ECH1: variants seen among roughly 807,000 people sequenced by gnomAD.
ECH1 encodes delta(3,5)-Delta(2,4)-dienoyl-CoA isomerase, mitochondrial.
Under a neutral mutation model 37.0 loss-of-function variants are expected in ECH1, and 30 were observed. The observed-to-expected ratio is 0.81, with a 90% CI of 0.61 to 1.10. ECH1 has a LOEUF of 1.10. Ranked by LOEUF, ECH1 falls within the 50% of genes least tolerant of loss-of-function variation. ECH1 has a pLI of 0.00. For missense variants in ECH1, 456 were observed against 441.6 expected, an observed-to-expected ratio of 1.03 and a Z score of -0.29; for synonymous variants, 178 against 176.0, an observed-to-expected ratio of 1.01 and a Z score of -0.09.
At chr19:38,822,468 A>G (rs922218532) in intron 3 of ECH1, among the ~76,000 whole-genome samples, 1 of 152,064 alleles carries the variant, frequency 6.6e-6, no homozygotes, top group Non-Finnish European at 1.5e-5. Flanking sequence ...AAATGCACCA[A>G]TCAGCACTCT....
intron 3 of ECH1, among the ~76,000 whole-genome samples, chr19:38,830,026 G>A (rs1281564449): frequency 6.6e-6 from 1 of 152,012 alleles, no homozygotes; most frequent in East Asian, 1.9e-4. Flanking sequence ...GCGTGGTGGC[G>A]GGCACTTGTA....
In ECH1 at chr19:38,817,519, C is replaced by A. The variant is rs1478031529; in HGVS notation, c.406G>T (p.Ala136Ser). The change falls in exon 4 of 10, where the codon GCC becomes TCC. Residue 136 changes from alanine to serine, a missense_variant. Coordinates refer to ENST00000221418, the MANE Select transcript of ECH1 (RefSeq NM_001398.3). Reference protein sequence around the residue: ...DILQPKGDDVARISWYLRDII... With the variant: ...DILQPKGDDVSRISWYLRDII... Reference sequence around the variant, plus strand: ...TCACGGAGGTACCAGCTGATCCGGGCCACATCATCTCCTTTGGGCTGCAGG... The same window carrying A: ...TCACGGAGGTACCAGCTGATCCGGGACACATCATCTCCTTTGGGCTGCAGG... The A allele has an allele frequency of 1.9e-6, 3 of 1,613,928 alleles. No individual in the cohort carries two copies. The highest frequency in any genetic ancestry group is 2.2e-5 in the East Asian group (1 of 44,868).
chr19:38,817,621 C>T (rs967703988), intron 3 of ECH1, 46 bp from the exon 4 acceptor site: 1 of 1,544,950 alleles, frequency 6.5e-7, no homozygotes, highest in Non-Finnish European at 8.8e-7. Context: ...CCAGGCCCCA[C>T]CCATTGACTC....
rs11549277 is a variant in ECH1, at chr19:38,831,412, G to C, written c.157C>G (p.His53Asp). Residue 53 changes from histidine (H) to aspartate (D), a missense_variant, in exon 2 of 10, where the codon CAC (histidine) becomes GAC (aspartate). Physicochemically the swap from His to Asp is moderately conservative, Grantham distance 81 (BLOSUM62 -1). Coordinates refer to ENST00000221418, the MANE Select transcript of ECH1 (RefSeq NM_001398.3). ...GTCACACGAAGGGACTCATAGCTGT[G>C]GTCTGGGGCTTCACCGAGGGCTACT... The part of the protein sequence containing the change: ...SGVALGEAPD[H>D]SYESLRVTSA... 2 of 1,613,878 alleles carry C rather than the reference G, an allele frequency of 1.2e-6. No homozygotes were observed. The highest frequency in any genetic ancestry group is 2.7e-5 in the African/African-American group (2 of 74,890).
At chr19:38,819,119 AAAAAG>A (rs1971625540) in intron 3 of ECH1, 1 of 985,284 alleles carries the variant, frequency 1.0e-6, no homozygotes, top group Non-Finnish European at 1.2e-6. Flanking sequence ...AATAAAAAAT[AAAAAG>A]AAAAGAAAAT....
In ECH1 at chr19:38,831,704, G is replaced by A. The variant is rs1422612748; in HGVS notation, c.52+17C>T. The A allele has an allele frequency of 6.2e-7, 1 of 1,613,732 alleles. No individual in the cohort carries two copies. The highest frequency in any genetic ancestry group is 2.2e-5 in the East Asian group (1 of 44,868). ...ACGACAGCGCGACGCACCCCCATAA[G>A]GCAAGAGGTGACTCACGCCGGGTCA... On this transcript the variant is annotated intron_variant, in intron 1 of 9. Transcript: ENST00000221418.
intron 3 of ECH1, among the ~76,000 whole-genome samples, chr19:38,822,511 T>C (rs1971678340): frequency 6.8e-6 from 1 of 146,686 alleles, no homozygotes; most frequent in South Asian, 2.2e-4. Flanking sequence ...ACTTGGAGAA[T>C]CTTTATGTCT....
chr19:38,827,787 C>T (rs530511765), intron 3 of ECH1, among the ~76,000 whole-genome samples: 1 of 152,278 alleles, frequency 6.6e-6, no homozygotes, highest in African/African-American at 2.4e-5. Context: ...CCACCTCAGC[C>T]TCCAGAGTAG....
intron 3 of ECH1, among the ~76,000 whole-genome samples, chr19:38,824,350 T>C (rs1024352708): frequency 9.2e-5 from 14 of 152,226 alleles, no homozygotes; most frequent in African/African-American, 3.4e-4. Flanking sequence ...GCACAACTAT[T>C]CCGATCAGCA....
intron 3 of ECH1, among the ~76,000 whole-genome samples, chr19:38,818,794 CT>C: frequency 6.6e-6 from 1 of 152,292 alleles, no homozygotes; most frequent in South Asian, 2.1e-4. Flanking sequence ...CCCAGACCCT[CT>C]TTTTCCCACC....
At position 38,827,035 on chromosome 19, in the gene ECH1, G is replaced by C. The variant is rs183014588; in HGVS notation, c.349+4043C>G. ...CAGCAAGGATGGAGAGGGAGGACAG[G>C]GAGGAGAGGGAGAAGGAGGGGAAGG... On this transcript the variant is annotated intron_variant, in intron 3 of 9. Coordinates refer to ENST00000221418, the MANE Select transcript of ECH1 (RefSeq NM_001398.3). 1.9e-4 allele frequency among the ~76,000 whole-genome samples: 29 copies of C among 149,032 alleles called. No homozygotes were observed. The East Asian group carries it at 5.6e-3, about 29-fold the overall frequency.
At chr19:38,829,544 G>A (rs993001913) in intron 3 of ECH1, among the ~76,000 whole-genome samples, 4 of 151,948 alleles carry the variant, frequency 2.6e-5, no homozygotes, top group African/African-American at 4.8e-5. Context: ...TGGGCTGGGC[G>A]TGGTAGCTCA....
At chr19:38,827,541 A>G (rs540273385) in intron 3 of ECH1, among the ~76,000 whole-genome samples, 1 of 152,308 alleles carries the variant, frequency 6.6e-6, no homozygotes, top group Admixed American at 6.5e-5. Flanking sequence ...CACAGGATAG[A>G]GTCCAAGGTG....
chr19:38,818,472 G>T, intron 3 of ECH1: 1 of 773,648 alleles, frequency 1.3e-6, no homozygotes, highest in Non-Finnish European at 1.6e-6. Flanking sequence ...TCTTGGGTCA[G>T]ATCCTCTTTT....
intron 3 of ECH1, among the ~76,000 whole-genome samples, chr19:38,824,050 T>C (rs1207704588): frequency 1.3e-5 from 2 of 152,134 alleles, no homozygotes; most frequent in African/African-American, 2.4e-5. Flanking sequence ...GAAGCTAGGA[T>C]ATGGGGAGCC....
At position 38,816,319 on chromosome 19, in the gene ECH1, C is replaced by G; in HGVS notation, c.696G>C (p.Met232Ile). The G allele has an allele frequency of 1.9e-6, 3 of 1,613,844 alleles. No homozygotes were observed. The highest frequency in any genetic ancestry group is 2.2e-5 in the East Asian group (1 of 44,882). The stretch of plus-strand genomic sequence containing the variant: ...CACTGCCCAGGGCCTCGTCAGCCAT[C>G]ATCTTGCGGGCGGTGAAGGCCAGCT... The part of the protein sequence containing the change: ...VNELAFTARK[M>I]MADEALGSGL... The change falls in exon 8 of 10, where the codon ATG (methionine) becomes ATC (isoleucine). Residue 232 changes from methionine to isoleucine, a missense_variant. Transcript: ENST00000221418.
chr19:38,825,266 G>A (rs1971722547), intron 3 of ECH1, among the ~76,000 whole-genome samples: 1 of 152,174 alleles, frequency 6.6e-6, no homozygotes, highest in South Asian at 2.1e-4. Flanking sequence ...CTTAGATCAT[G>A]GGGACTGGAG....
At chr19:38,830,666 A>G (rs996647829) in intron 3 of ECH1, among the ~76,000 whole-genome samples, 1 of 151,936 alleles carries the variant, frequency 6.6e-6, no homozygotes, top group Admixed American at 6.6e-5. Context: ...AAAAAAAAAA[A>G]ACACACAGAT....
intron 3 of ECH1, among the ~76,000 whole-genome samples, chr19:38,829,700 C>G (rs1263822598): frequency 6.6e-6 from 1 of 151,310 alleles, no homozygotes; most frequent in African/African-American, 2.4e-5. Flanking sequence ...ACTGGTGGTC[C>G]CAGTACTCGG....
Sources: allele counts gnomAD v4.1 joint callset (sites outside exome capture counted in the v4.1 genomes callset), GRCh38; gene constraint gnomAD v4.1.1; transcripts MANE v1.5; gene names NCBI Gene and HGNC (gene_info 2026-07-23, HGNC 2026-07-21).